The following ZFAND3 variants were observed in gnomAD, a reference collection of about 807,000 sequenced individuals.
ZFAND3 encodes AN1-type zinc finger protein 3.
Under a neutral mutation model 29.6 loss-of-function variants are expected in ZFAND3, and 10 were observed. The ratio of observed to expected loss-of-function variants is 0.34; its 90% CI spans 0.21 to 0.57. ZFAND3 has a LOEUF of 0.57. Ranked by LOEUF, ZFAND3 falls within the 20% of genes least tolerant of loss-of-function variation. ZFAND3 has a pLI of 0.86. For synonymous variants in ZFAND3, 128 were observed against 112.6 expected (o/e 1.14, Z -0.87); for missense variants, 230 against 304.5 (o/e 0.76, Z 1.82).
intron 5 of ZFAND3, among the ~76,000 whole-genome samples, chr6:38,119,111 T>C (rs962207479): frequency 2.0e-5 from 3 of 152,218 alleles, no homozygotes; most frequent in Non-Finnish European, 2.9e-5. Flanking sequence ...ATTACACTTA[T>C]GTGCCCAGAA....
chr6:37,878,223 C>G (rs1764829087), intron 1 of ZFAND3, among the ~76,000 whole-genome samples: 1 of 152,198 alleles, frequency 6.6e-6, no homozygotes, highest in Admixed American at 6.5e-5. Context: ...GCTTGAGTCA[C>G]TCCAGGAGCT....
chr6:37,831,287 A>G (rs2103950), intron 1 of ZFAND3, among the ~76,000 whole-genome samples: 30,045 of 152,158 alleles, frequency 0.2, 3,784 homozygotes, highest in African/African-American at 0.35. Flanking sequence ...ATACAGAACT[A>G]TCTTACCTCA....
At chr6:38,065,280 A>C (rs1764320377) in intron 3 of ZFAND3, among the ~76,000 whole-genome samples, 1 of 151,474 alleles carries the variant, frequency 6.6e-6, no homozygotes, top group Non-Finnish European at 1.5e-5. Flanking sequence ...ACTCCACTGC[A>C]CTCCAGCCTG....
At chr6:37,881,556 T>C (rs1764895192) in intron 1 of ZFAND3, among the ~76,000 whole-genome samples, 1 of 152,166 alleles carries the variant, frequency 6.6e-6, no homozygotes, top group Admixed American at 6.5e-5. Context: ...GCTAAATCTT[T>C]AATCTCTCCA....
chr6:37,845,661 C>T (rs150288712), intron 1 of ZFAND3, among the ~76,000 whole-genome samples: 41 of 152,284 alleles, frequency 2.7e-4, no homozygotes, highest in Admixed American at 7.8e-4. Flanking sequence ...AGTAGAGCAG[C>T]GTATGCCAGT....
chr6:37,833,725 C>T lies in ZFAND3; in HGVS notation c.71+13709C>T, dbSNP rs148252114. 5.4e-3 allele frequency among the ~76,000 whole-genome samples: 808 copies of T among 150,152 alleles called. 13 individuals are homozygous for T. The highest frequency in any genetic ancestry group is 0.019 in the African/African-American group (757 of 40,544). ...TCTGTAGTCCCAGCTACCCGGGAGG[C>T]TGAGGCAGGAGAATCACTTGAACCT... On this transcript the variant is annotated intron_variant, in intron 1 of 5. Transcript: ENST00000287218.
intron 4 of ZFAND3, among the ~76,000 whole-genome samples, chr6:38,106,102 T>G (rs1765203115): frequency 1.3e-5 from 2 of 152,260 alleles, no homozygotes; most frequent in East Asian, 1.9e-4. Flanking sequence ...GTGGATGGTT[T>G]TTGGTAAAGA....
At chr6:38,099,770 T>C (rs1488253821) in intron 4 of ZFAND3, among the ~76,000 whole-genome samples, 2 of 152,226 alleles carry the variant, frequency 1.3e-5, no homozygotes, top group African/African-American at 4.8e-5. Context: ...ATATATGTAT[T>C]TACTTGAAAA....
chr6:38,039,088 A>G (rs1763712163), intron 2 of ZFAND3, among the ~76,000 whole-genome samples: 1 of 152,220 alleles, frequency 6.6e-6, no homozygotes, highest in South Asian at 2.1e-4. Context: ...CAAGTTTGAG[A>G]AACCTTGGCC....
intron 1 of ZFAND3, among the ~76,000 whole-genome samples, chr6:37,911,015 A>T (rs962718650): frequency 6.6e-6 from 1 of 152,196 alleles, no homozygotes; most frequent in Non-Finnish European, 1.5e-5. Flanking sequence ...GGGAGTGTAG[A>T]TATCTCTTCA....
At position 38,069,812 on chromosome 6, in the gene ZFAND3, G is replaced by A. The variant is rs1231874580; in HGVS notation, c.295+8037G>A. Among the ~76,000 whole-genome samples, 3 of 152,198 alleles carry A rather than the reference G, an allele frequency of 2.0e-5. 1 individual carries two copies. Among genetic ancestry groups the A allele is most frequent in the Non-Finnish European group, 4.4e-5 (3 of 68,038 alleles). On this transcript the variant is annotated intron_variant, in intron 3 of 5. Coordinates refer to ENST00000287218, the MANE Select transcript of ZFAND3 (RefSeq NM_021943.3). ...ATAGGAACTTGTTTAAGTACTGGTA[G>A]TATCATCTGACCTTCCATTTGTAGT...
At chr6:37,992,588 T>C (rs991732698) in intron 2 of ZFAND3, among the ~76,000 whole-genome samples, 14 of 152,170 alleles carry the variant, frequency 9.2e-5, no homozygotes, top group African/African-American at 3.1e-4. Context: ...CTTCAGCTTA[T>C]TCTCCCCAAG....
intron 2 of ZFAND3, among the ~76,000 whole-genome samples, chr6:38,015,205 G>T (rs1309457496): frequency 1.3e-5 from 2 of 152,132 alleles, no homozygotes; most frequent in Non-Finnish European, 2.9e-5. Flanking sequence ...TTTCTTTAAG[G>T]ATTGTGGCTA....
At chr6:37,957,697 A>G (rs1178357033) in intron 2 of ZFAND3, among the ~76,000 whole-genome samples, 1 of 152,208 alleles carries the variant, frequency 6.6e-6, no homozygotes, top group Non-Finnish European at 1.5e-5. Context: ...CTTTTTAGCT[A>G]AGAAATATGG....
At chr6:37,895,459 C>CTTTTTTT (rs11331881) in intron 1 of ZFAND3, among the ~76,000 whole-genome samples, 489 of 76,666 alleles carry the variant, frequency 6.4e-3, no homozygotes, top group Middle Eastern at 0.012. Flanking sequence ...CTCAGAGGTT[C>CTTTTTTT]TTTTTTTTTT....
At chr6:37,856,474 A>G (rs1333943333) in intron 1 of ZFAND3, among the ~76,000 whole-genome samples, 1 of 152,116 alleles carries the variant, frequency 6.6e-6, no homozygotes, top group Non-Finnish European at 1.5e-5. Context: ...ACTGCTTCAG[A>G]TTACACTCAA....
intron 1 of ZFAND3, among the ~76,000 whole-genome samples, chr6:37,832,509 G>C (rs1289562201): frequency 6.6e-6 from 1 of 152,152 alleles, no homozygotes; most frequent in Non-Finnish European, 1.5e-5. Context: ...TTCATGCTTT[G>C]GAAGTTCTTA....
intron 1 of ZFAND3, among the ~76,000 whole-genome samples, chr6:37,913,129 C>T (rs1007870135): frequency 4.6e-5 from 7 of 152,152 alleles, no homozygotes; most frequent in African/African-American, 1.7e-4. Context: ...TTGCTGAAGG[C>T]TGGGTGGGGG....
chr6:37,961,149 G>A lies in ZFAND3; in HGVS notation c.112+31150G>A, dbSNP rs1267098523. Reference sequence around the variant, plus strand: ...GCTCTTGGATGGCATTTCTGGACCTGCCCTGGGCCACCAGACAGGAGCCCA... The same window carrying A: ...GCTCTTGGATGGCATTTCTGGACCTACCCTGGGCCACCAGACAGGAGCCCA... On this transcript the variant is annotated intron_variant, in intron 2 of 5. Coordinates refer to ENST00000287218, the MANE Select transcript of ZFAND3 (RefSeq NM_021943.3). Among the ~76,000 whole-genome samples, 3 of 152,184 alleles carry A rather than the reference G, an allele frequency of 2.0e-5. No homozygotes were observed. The East Asian group carries it at 5.8e-4, about 29-fold the overall frequency.
Sources: gnomAD v4.1 joint callset for allele counts (sites outside exome capture counted in the v4.1 genomes callset) on GRCh38, gnomAD v4.1.1 for gene constraint, MANE v1.5 for transcripts, NCBI Gene and HGNC (gene_info 2026-07-23, HGNC 2026-07-21) for gene names.